The following PHF14 variants were observed in gnomAD, a reference collection of about 807,000 sequenced individuals.
PHF14 encodes the protein PHD finger protein 14.
PHF14 carries 55 observed loss-of-function variants against 117.9 expected under a neutral mutation model. The ratio of observed to expected loss-of-function variants is 0.47; its 90% confidence interval spans 0.38 to 0.58. The LOEUF (loss-of-function observed/expected upper bound fraction) is 0.58. Ranked by LOEUF, PHF14 falls within the 20% of genes least tolerant of loss-of-function variation. The probability of loss-of-function intolerance (pLI) is 0.00; values close to 1 mark genes in which losing one functional copy is unlikely to be tolerated. For missense variants in PHF14, 978 were observed against 1,122.2 expected, an observed-to-expected ratio of 0.87 and a Z score of 1.84; for synonymous variants, 409 against 368.6, an observed-to-expected ratio of 1.11 and a Z score of -1.26.
At chr7:11,021,137 A>G (rs1363992143) in intron 5 of PHF14, among the ~76,000 whole-genome samples, 1 of 152,222 alleles carries the variant, frequency 6.6e-6, no homozygotes, top group Admixed American at 6.5e-5. Flanking sequence ...CTTTATTAAA[A>G]TATATGAATT....
chr7:11,112,256 A>G (rs1222648042), intron 17 of PHF14, among the ~76,000 whole-genome samples: 1 of 152,308 alleles, frequency 6.6e-6, no homozygotes, highest in African/African-American at 2.4e-5. Context: ...TGTATTATGG[A>G]CATCCAGCCA....
chr7:11,104,554 T>A (rs1339291887), intron 16 of PHF14: 1 of 981,848 alleles, frequency 1.0e-6, no homozygotes. Context: ...AGGTAAATGA[T>A]AGTTGTTTAT....
At chr7:11,160,270 G>A (rs947568210) in intron 17 of PHF14, among the ~76,000 whole-genome samples, 1 of 152,154 alleles carries the variant, frequency 6.6e-6, no homozygotes, top group Admixed American at 6.5e-5. Flanking sequence ...GTATTTCATG[G>A]TATATATGTA....
chr7:10,985,741 C>T (rs1253094766), intron 3 of PHF14, among the ~76,000 whole-genome samples: 1 of 145,242 alleles, frequency 6.9e-6, no homozygotes, highest in African/African-American at 2.6e-5. Flanking sequence ...CAACCTCCGC[C>T]TCATGGGTTC....
chr7:10,985,305 G>C (rs529202593), intron 3 of PHF14, among the ~76,000 whole-genome samples: 5 of 152,168 alleles, frequency 3.3e-5, no homozygotes, highest in African/African-American at 1.2e-4. Flanking sequence ...GATTATATTT[G>C]AAGTTTGATT....
At chr7:11,086,558 A>T (rs1786417258) in intron 16 of PHF14, among the ~76,000 whole-genome samples, 3 of 152,120 alleles carry the variant, frequency 2.0e-5, no homozygotes. Flanking sequence ...TTAATAATTA[A>T]ATTAATTTTA....
intron 17 of PHF14, among the ~76,000 whole-genome samples, chr7:11,129,728 A>C (rs191505082): frequency 6.6e-6 from 1 of 152,060 alleles, no homozygotes. Flanking sequence ...TAGGTGCTTC[A>C]GATGTAGTAA....
chr7:11,139,999 G>A (rs1788352737), intron 17 of PHF14, among the ~76,000 whole-genome samples: 1 of 152,074 alleles, frequency 6.6e-6, no homozygotes, highest in South Asian at 2.1e-4. Context: ...AGAGGTCTTT[G>A]ACTAGAACTC....
intron 13 of PHF14, among the ~76,000 whole-genome samples, chr7:11,044,560 A>C (rs1784606062): frequency 6.6e-6 from 1 of 152,114 alleles, no homozygotes; most frequent in South Asian, 2.1e-4. Context: ...TGGGTGTATT[A>C]ATTTTGGAGT....
intron 5 of PHF14, 143 bp from the exon 6 acceptor site, chr7:11,022,725 G>A (rs2128318637): frequency 4.2e-6 from 2 of 474,464 alleles, no homozygotes; most frequent in Middle Eastern, 5.3e-4. Flanking sequence ...TTTTAATGAT[G>A]TGCCTGAGAT....
At chr7:10,995,584 C>T (rs1415490635) in intron 4 of PHF14, among the ~76,000 whole-genome samples, 8 of 152,218 alleles carry the variant, frequency 5.3e-5, no homozygotes, top group Non-Finnish European at 7.3e-5. Flanking sequence ...TCGATGGGAC[C>T]GCGCCACAGA....
chr7:11,063,563 G>C (rs1241067600), intron 16 of PHF14: 1 of 968,832 alleles, frequency 1.0e-6, no homozygotes, highest in Non-Finnish European at 1.2e-6. Context: ...TTAATTATTT[G>C]AACCTGTATG....
intron 9 of PHF14, 27 bp from the exon 10 acceptor site, chr7:11,036,958 G>C: frequency 7.0e-7 from 1 of 1,425,424 alleles, no homozygotes; most frequent in Non-Finnish European, 9.6e-7. Context: ...TCCTACTAAA[G>C]TAAAATTCGA....
chr7:11,039,447 G>A (rs1329901799), intron 11 of PHF14, among the ~76,000 whole-genome samples: 3 of 151,888 alleles, frequency 2.0e-5, no homozygotes, highest in Admixed American at 6.6e-5. Context: ...AAAGTTTTTG[G>A]TGTTGAATAA....
chr7:11,061,787 C>G lies in PHF14; in HGVS notation c.2482-4C>G. ...TTTTTGTTTTTTTTTTTGTTTTTTTCCAGAGAACCAGAGGACGAAAACGAA... is the reference window on the plus strand; with the variant it reads ...TTTTTGTTTTTTTTTTTGTTTTTTTGCAGAGAACCAGAGGACGAAAACGAA... On this transcript the variant is annotated splice_region_variant and splice_polypyrimidine_tract_variant and intron_variant, in intron 14 of 17. Transcript: ENST00000634607. 6 of 1,408,610 alleles carry G rather than the reference C, an allele frequency of 4.3e-6. No homozygotes were observed. Among genetic ancestry groups the G allele is most frequent in the Admixed American group, 3.0e-5 (1 of 32,924 alleles). The allele number at this position is 1,408,610 out of a possible 1,614,324, so 87.3% of individuals were successfully genotyped here.
chr7:11,133,472 T>C (rs17163973), intron 17 of PHF14, among the ~76,000 whole-genome samples: 2,935 of 152,030 alleles, frequency 0.019, 93 homozygotes, highest in East Asian at 0.11. Flanking sequence ...AGTTAATATA[T>C]TTTTAATGCA....
intron 16 of PHF14, among the ~76,000 whole-genome samples, chr7:11,087,459 G>C (rs554424030): frequency 6.6e-6 from 1 of 152,216 alleles, no homozygotes; most frequent in South Asian, 2.1e-4. Flanking sequence ...CAAAGTGCTG[G>C]GGTTACAGGC....
Position 11,169,405 on chromosome 7 carries a change from T to A in PHF14, c.2773-11T>A. On this transcript the variant is annotated splice_polypyrimidine_tract_variant and intron_variant, in intron 17 of 17. Transcript: ENST00000634607. ...TTTATATTTTAATGTTTTCTAAAATTTATTTCACAGGAAGATGAAAATGAA... is the reference window on the plus strand; with the variant it reads ...TTTATATTTTAATGTTTTCTAAAATATATTTCACAGGAAGATGAAAATGAA... 7.5e-7 allele frequency: 1 copy of A among 1,331,508 alleles called. No homozygotes were observed. Among genetic ancestry groups the A allele is most frequent in the South Asian group, 1.4e-5 (1 of 72,034 alleles). 82.5% of individuals were successfully genotyped at this position (1,331,508 alleles called of 1,614,324 possible).
At chr7:11,006,768 G>A in intron 4 of PHF14, 1 of 767,052 alleles carries the variant, frequency 1.3e-6, no homozygotes, top group Non-Finnish European at 2.3e-6. Context: ...CTTTTTTGGT[G>A]GCTGTGGACA....
Sources: allele counts gnomAD v4.1 joint callset (sites outside exome capture counted in the v4.1 genomes callset), GRCh38; gene constraint gnomAD v4.1.1; transcripts MANE v1.5; gene names NCBI Gene and HGNC (gene_info 2026-07-23, HGNC 2026-07-21).